Variants in PTPRC observed in about 807,000 individuals in gnomAD.
PTPRC encodes the protein receptor-type tyrosine-protein phosphatase C.
Under a neutral mutation model 155.9 loss-of-function variants are expected in PTPRC, and 44 were observed. The observed-to-expected ratio is 0.28, with a 90% CI of 0.22 to 0.36. The LOEUF is 0.36. Ranked by LOEUF, PTPRC falls within the 10% of genes least tolerant of loss-of-function variation. PTPRC has a pLI of 1.00. For missense variants in PTPRC, 1,401 were observed against 1,564.6 expected (o/e 0.90, Z 1.76); for synonymous variants, 525 against 533.1 (o/e 0.98, Z 0.21).
At chr1:198,724,949 GCAC>G (rs1363428036) in intron 15 of PTPRC, among the ~76,000 whole-genome samples, 2 of 151,882 alleles carry the variant, frequency 1.3e-5, no homozygotes, top group African/African-American at 2.4e-5. Flanking sequence ...TTACAGGCAG[GCAC>G]CACCACACCT....
chr1:198,755,558 G>A (rs1006406283), intron 32 of PTPRC, among the ~76,000 whole-genome samples: 3 of 151,970 alleles, frequency 2.0e-5, no homozygotes, highest in South Asian at 2.1e-4. Flanking sequence ...AACGCTTCTC[G>A]AAGCAGTGAT....
chr1:198,679,492 C>T (rs1207713909), intron 2 of PTPRC: 1 of 150,634 alleles, frequency 6.6e-6, no homozygotes, highest in East Asian at 1.9e-4. Context: ...ACCTCGTGAT[C>T]CACCCGCCCC....
At chr1:198,694,930 T>A (rs1167718048) in intron 3 of PTPRC, 3 of 980,316 alleles carry the variant, frequency 3.1e-6, no homozygotes, top group Non-Finnish European at 3.6e-6. Flanking sequence ...CATGTCATTA[T>A]GGGTAAAAGT....
chr1:198,722,900 C>T (rs979529995), intron 15 of PTPRC, among the ~76,000 whole-genome samples: 10 of 151,646 alleles, frequency 6.6e-5, no homozygotes, highest in Admixed American at 2.6e-4. Flanking sequence ...AATATAAGCA[C>T]TCCCTAATAA....
intron 13 of PTPRC, among the ~76,000 whole-genome samples, chr1:198,717,427 T>G (rs1415694510): frequency 1.3e-5 from 2 of 152,176 alleles, no homozygotes; most frequent in African/African-American, 4.8e-5. Context: ...GGGCACATGT[T>G]AACCTCCATC....
At chr1:198,682,526 A>G (rs1000629767) in intron 2 of PTPRC, among the ~76,000 whole-genome samples, 3 of 152,206 alleles carry the variant, frequency 2.0e-5, no homozygotes, top group African/African-American at 7.2e-5. Context: ...ACGTTTCTAC[A>G]TAACTAGATT....
intron 15 of PTPRC, among the ~76,000 whole-genome samples, chr1:198,725,336 G>C (rs1372343067): frequency 6.6e-6 from 1 of 152,168 alleles, no homozygotes; most frequent in Non-Finnish European, 1.5e-5. Context: ...CAACAGGAAA[G>C]GTTGATTAGA....
At chr1:198,744,392 T>C (rs1655047666) in intron 26 of PTPRC, among the ~76,000 whole-genome samples, 189 bp downstream of exon 26, 1 of 151,858 alleles carries the variant, frequency 6.6e-6, no homozygotes, top group Non-Finnish European at 1.5e-5. Flanking sequence ...AACTATTACA[T>C]AGGAGATTTC....
At chr1:198,750,164 G>C (rs1179729380) in intron 28 of PTPRC, among the ~76,000 whole-genome samples, 1 of 151,882 alleles carries the variant, frequency 6.6e-6, no homozygotes, top group East Asian at 1.9e-4. Flanking sequence ...CACGATGAAG[G>C]TAATTTGAAA....
intron 28 of PTPRC, 132 bp downstream of exon 28, chr1:198,749,681 G>T: frequency 2.4e-6 from 2 of 833,284 alleles, no homozygotes; most frequent in Non-Finnish European, 3.8e-6. Context: ...ATTGACATGA[G>T]AGTTTCAATT....
chr1:198,662,767 A>G (rs1664050928), intron 2 of PTPRC, among the ~76,000 whole-genome samples: 1 of 152,108 alleles, frequency 6.6e-6, no homozygotes, highest in African/African-American at 2.4e-5. Flanking sequence ...AGATACCCTT[A>G]GCTATTTGAC....
intron 32 of PTPRC, among the ~76,000 whole-genome samples, chr1:198,755,159 C>A (rs1173885750): frequency 1.3e-5 from 2 of 152,022 alleles, no homozygotes; most frequent in Non-Finnish European, 1.5e-5. Context: ...GAAATAGACT[C>A]CACTTCTTGA....
chr1:198,710,192 G>C (rs1386032185), intron 11 of PTPRC, among the ~76,000 whole-genome samples: 1 of 152,110 alleles, frequency 6.6e-6, no homozygotes, highest in African/African-American at 2.4e-5. Context: ...AGCGCCATTT[G>C]CTGAAAATAC....
At chr1:198,720,425 G>A (rs1412571840) in intron 14 of PTPRC, among the ~76,000 whole-genome samples, 2 of 152,052 alleles carry the variant, frequency 1.3e-5, no homozygotes, top group Non-Finnish European at 2.9e-5. Flanking sequence ...CGCCTCCCAG[G>A]TTCAAGCGAT....
intron 2 of PTPRC, among the ~76,000 whole-genome samples, chr1:198,649,974 C>T (rs115551251): frequency 8.3e-4 from 126 of 151,872 alleles, no homozygotes; most frequent in African/African-American, 2.9e-3. Flanking sequence ...ACAGAGTGAT[C>T]GGGGAAGATC....
chr1:198,643,495 G>A lies in PTPRC; in HGVS notation c.73+4154G>A, dbSNP rs1027755590. Among the ~76,000 whole-genome samples, 74 of 151,842 alleles carry A rather than the reference G, an allele frequency of 4.9e-4. 1 individual carries two copies. The highest frequency in any genetic ancestry group is 1.7e-3 in the African/African-American group (72 of 41,396). ...GACTATTTTGTCCAGATTAAATTAA[G>A]TTGATTTTGGATCTAGATGTTTACA... On this transcript the variant is annotated intron_variant, in intron 2 of 32. Coordinates refer to ENST00000442510, the MANE Select transcript of PTPRC (RefSeq NM_002838.5).
At chr1:198,750,197 A>G (rs960106385) in intron 28 of PTPRC, among the ~76,000 whole-genome samples, 1 of 152,026 alleles carries the variant, frequency 6.6e-6, no homozygotes, top group Admixed American at 6.6e-5. Context: ...TCCTTTTTAC[A>G]ATCACATTAA....
At chr1:198,707,079 A>G in intron 9 of PTPRC, 127 bp downstream of exon 9, 1 of 760,898 alleles carries the variant, frequency 1.3e-6, no homozygotes, top group Non-Finnish European at 2.2e-6. Context: ...AATTCCTTGG[A>G]AACAAGTGGG....
At chr1:198,681,889 A>G (rs1457118057) in intron 2 of PTPRC, among the ~76,000 whole-genome samples, 1 of 152,240 alleles carries the variant, frequency 6.6e-6, no homozygotes. Flanking sequence ...ATGTATAGTC[A>G]GGCAGCTTCA....
Sources: allele counts gnomAD v4.1 joint callset (sites outside exome capture counted in the v4.1 genomes callset), GRCh38; gene constraint gnomAD v4.1.1; transcripts MANE v1.5; gene names NCBI Gene and HGNC (gene_info 2026-07-23, HGNC 2026-07-21).